CPNE4: variants seen among roughly 807,000 people sequenced by gnomAD.
CPNE4 encodes the protein copine 4.
Under a neutral mutation model 67.9 loss-of-function variants are expected in CPNE4, and 25 were observed. The ratio of observed to expected loss-of-function variants is 0.37; its 90% confidence interval spans 0.27 to 0.51. CPNE4 has a LOEUF of 0.51. Among genes scored for constraint, CPNE4 ranks in the 20% least tolerant of loss-of-function variants. The pLI, the probability that CPNE4 is intolerant of heterozygous loss-of-function variation, is 0.93. For synonymous variants in CPNE4, 242 were observed against 244.9 expected (o/e 0.99, Z 0.11); for missense variants, 464 against 690.8 (o/e 0.67, Z 3.68).
At chr3:131,817,330 G>A (rs1267177666) in intron 2 of CPNE4, among the ~76,000 whole-genome samples, 1 of 152,172 alleles carries the variant, frequency 6.6e-6, no homozygotes, top group South Asian at 2.1e-4. Flanking sequence ...TGCTATGAAG[G>A]GGTTGGGAGC....
At chr3:131,615,813 G>A (rs1193704473) in intron 7 of CPNE4, among the ~76,000 whole-genome samples, 2 of 151,758 alleles carry the variant, frequency 1.3e-5, no homozygotes, top group African/African-American at 2.4e-5. Context: ...GAACCTTGGA[G>A]GTGGAGGTTG....
chr3:131,902,465 A>G (rs1381073), intron 2 of CPNE4, among the ~76,000 whole-genome samples: 67,205 of 151,958 alleles, frequency 0.44, 15,780 homozygotes, highest in African/African-American at 0.59. Context: ...TCAAGCACAA[A>G]GATGTTTATT....
intron 2 of CPNE4, among the ~76,000 whole-genome samples, chr3:131,734,197 ACC>A (rs2082186462): frequency 6.6e-6 from 1 of 152,130 alleles, no homozygotes; most frequent in South Asian, 2.1e-4. Context: ...GGAGCCCTTC[ACC>A]CTATGCCCAC....
At chr3:131,806,549 C>CAAA (rs58302207) in intron 2 of CPNE4, among the ~76,000 whole-genome samples, 3 of 72,920 alleles carry the variant, frequency 4.1e-5, no homozygotes, top group Non-Finnish European at 3.0e-5. Flanking sequence ...GACTCCGTCT[C>CAAA]AAAAAAAAAA....
chr3:131,906,046 C>T (rs1237991174), intron 1 of CPNE4, among the ~76,000 whole-genome samples: 6 of 152,124 alleles, frequency 3.9e-5, no homozygotes, highest in Non-Finnish European at 8.8e-5. Context: ...CTTTCCCACT[C>T]CCACCTGCCA....
chr3:131,657,532 A>AT (rs55842033), intron 7 of CPNE4, among the ~76,000 whole-genome samples: 63 of 120,202 alleles, frequency 5.2e-4, no homozygotes, highest in South Asian at 1.9e-3. Flanking sequence ...AATTATCTGT[A>AT]TTTTTTTTTT....
At position 131,958,301 on chromosome 3, in the gene CPNE4, C is replaced by A. The variant is rs1228345004; in HGVS notation, c.-1-52857G>T. On this transcript the variant is annotated intron_variant, in intron 1 of 15. Coordinates refer to ENST00000429747, the MANE Select transcript of CPNE4 (RefSeq NM_130808.3). ...CCCTTAGTGGAGCCAGTGTTTGAAT[C>A]CAGGCAGCCTGATTCTAACAATTTC... Among the ~76,000 whole-genome samples, 3 of 152,292 alleles carry A rather than the reference C, an allele frequency of 2.0e-5. No individual in the cohort carries two copies. The East Asian group carries it at 5.8e-4, about 29-fold the overall frequency.
In CPNE4 at chr3:131,542,689, G is replaced by A. The variant is rs750001912; in HGVS notation, c.1407C>T (p.Ile469=). 3.7e-6 allele frequency: 6 copies of A among 1,613,864 alleles called. No homozygotes were observed. The highest frequency in any genetic ancestry group is 3.3e-5 in the Admixed American group (2 of 60,002). The change falls in exon 15 of 16, where the codon ATC becomes ATT. Residue 469 remains isoleucine, a synonymous_variant. Transcript: ENST00000429747. ...HASHLPMSVI[I]VGVGNADFSD... ...TGAAGTCAGCGTTCCCTACTCCCAC[G>A]ATGATGACTGACATGGGGAGGTGGG... is the stretch of plus-strand genomic sequence containing the variant.
chr3:131,597,386 A>G (rs572371066), intron 7 of CPNE4, among the ~76,000 whole-genome samples: 1 of 152,248 alleles, frequency 6.6e-6, no homozygotes, highest in Admixed American at 6.5e-5. Context: ...GGTGCAGCAA[A>G]CCACCATAGC....
chr3:132,001,787 G>A (rs1006398937), intron 1 of CPNE4, among the ~76,000 whole-genome samples: 1 of 151,990 alleles, frequency 6.6e-6, no homozygotes, highest in Non-Finnish European at 1.5e-5. Flanking sequence ...AGACTAAAGG[G>A]CTGAATTAAG....
chr3:131,550,235 T>A (rs944320591), intron 13 of CPNE4, among the ~76,000 whole-genome samples, 155 bp from the exon 14 acceptor site: 2 of 152,138 alleles, frequency 1.3e-5, no homozygotes, highest in Middle Eastern at 3.2e-3. Flanking sequence ...ACATTGCTAG[T>A]GTTGCTGTCT....
intron 2 of CPNE4, among the ~76,000 whole-genome samples, chr3:131,886,675 G>C (rs1037519290): frequency 1.3e-5 from 2 of 151,876 alleles, no homozygotes; most frequent in African/African-American, 4.8e-5. Flanking sequence ...CAAGACCATG[G>C]GAACCCACCT....
chr3:131,590,529 A>G (rs1938463702), intron 7 of CPNE4, among the ~76,000 whole-genome samples: 1 of 152,240 alleles, frequency 6.6e-6, no homozygotes, highest in African/African-American at 2.4e-5. Context: ...AAGTACTTAA[A>G]GTACTATCGT....
chr3:131,549,922 A>G (rs1408859466), intron 14 of CPNE4, 25 bp downstream of exon 14: 12 of 1,612,058 alleles, frequency 7.4e-6, no homozygotes, highest in Non-Finnish European at 1.0e-5. Flanking sequence ...AGCTCCCCTT[A>G]GGAGGCAAAT....
At chr3:131,951,462 A>G (rs1429038372) in intron 1 of CPNE4, among the ~76,000 whole-genome samples, 1 of 151,998 alleles carries the variant, frequency 6.6e-6, no homozygotes, top group Non-Finnish European at 1.5e-5. Context: ...TAATTGCCAC[A>G]TTTTTCTTTT....
At chr3:131,547,530 A>C (rs1435646393) in intron 14 of CPNE4, among the ~76,000 whole-genome samples, 2 of 150,682 alleles carry the variant, frequency 1.3e-5, no homozygotes, top group Non-Finnish European at 3.0e-5. Flanking sequence ...TTCTGAAAAG[A>C]AGAGGAAAAA....
At chr3:131,573,737 A>G (rs984274744) in intron 10 of CPNE4, among the ~76,000 whole-genome samples, 2 of 152,078 alleles carry the variant, frequency 1.3e-5, no homozygotes, top group African/African-American at 2.4e-5. Context: ...CAGAGCAGCA[A>G]TGAGCCCACA....
At chr3:132,002,291 G>A (rs913807818) in intron 1 of CPNE4, among the ~76,000 whole-genome samples, 2 of 152,150 alleles carry the variant, frequency 1.3e-5, no homozygotes, top group African/African-American at 4.8e-5. Context: ...TTGGCAGAAA[G>A]CCTCAGAAGA....
intron 1 of CPNE4, among the ~76,000 whole-genome samples, chr3:131,996,184 A>T (rs1006697131): frequency 6.6e-6 from 1 of 152,192 alleles, no homozygotes; most frequent in Non-Finnish European, 1.5e-5. Context: ...TAAGTGCCTG[A>T]TTTAATCCAC....
Sources: gnomAD v4.1 joint callset for allele counts (sites outside exome capture counted in the v4.1 genomes callset) on GRCh38, gnomAD v4.1.1 for gene constraint, MANE v1.5 for transcripts, NCBI Gene and HGNC (gene_info 2026-07-23, HGNC 2026-07-21) for gene names.